CD177: variants seen among roughly 807,000 people sequenced by gnomAD.
CD177 encodes CD177 antigen.
Under a neutral mutation model 38.1 loss-of-function variants are expected in CD177, and 41 were observed. That is an observed-to-expected ratio of 1.07 (90% confidence interval 0.84 to 1.39). The LOEUF is 1.39. Ranked by LOEUF, CD177 falls within the 40% of genes most tolerant of loss-of-function variation. The pLI, the probability that CD177 is intolerant of heterozygous loss-of-function variation, is 0.00. For missense variants in CD177, 619 were observed against 523.8 expected, an observed-to-expected ratio of 1.18 and a Z score of -1.77; for synonymous variants, 236 against 216.7, an observed-to-expected ratio of 1.09 and a Z score of -0.78.
At chr19:43,361,776 C>A (rs60356825) in intron 8 of CD177, among the ~76,000 whole-genome samples, 197 bp downstream of exon 8, 29,040 of 143,334 alleles carry the variant, frequency 0.2, 3,717 homozygotes, top group East Asian at 0.52. Flanking sequence ...GGCCTGGGCT[C>A]CTGGTCCCAG....
chr19:43,353,867 C>G lies in CD177; in HGVS notation c.67C>G (p.Leu23Val). 6.2e-7 allele frequency: 1 copy of G among 1,613,868 alleles called. No individual in the cohort carries two copies. Among genetic ancestry groups the G allele is most frequent in the Non-Finnish European group, 8.5e-7 (1 of 1,179,844 alleles). Reference sequence around the variant, plus strand: ...TGCCACTCCAGGAGTGCAGGCGCTGCTCTGCCAGTTTGGGACAGTTCAGCA... The same window carrying G: ...TGCCACTCCAGGAGTGCAGGCGCTGGTCTGCCAGTTTGGGACAGTTCAGCA... ...ILPLPGVQALLCQFGTVQHVW... is the reference protein window; with the variant it reads ...ILPLPGVQALVCQFGTVQHVW... The change falls in exon 2 of 9, where the codon CTC becomes GTC. Residue 23 changes from leucine to valine, a missense_variant. Physicochemically the swap from Leu to Val is conservative, Grantham distance 32. Transcript: ENST00000618265.
intron 2 of CD177, 35 bp downstream of exon 2, chr19:43,354,028 G>A (rs1025318990): frequency 6.2e-7 from 1 of 1,600,566 alleles, no homozygotes; most frequent in Non-Finnish European, 8.5e-7. Context: ...ACCCCGCCCT[G>A]TCCCCTCAGT....
chr19:43,355,893 G>A (rs999665723), intron 4 of CD177, 99 bp from the exon 5 acceptor site: 5 of 1,508,642 alleles, frequency 3.3e-6, no homozygotes, highest in Admixed American at 1.7e-5. Flanking sequence ...GAGACCCAGA[G>A]GAGGGTGGGC....
At chr19:43,354,135 T>C in intron 2 of CD177, 72 bp from the exon 3 acceptor site, 3 of 1,568,662 alleles carry the variant, frequency 1.9e-6, no homozygotes, top group Non-Finnish European at 2.6e-6. Flanking sequence ...GCCTACGCCG[T>C]GTAGCAGCGT....
At chr19:43,361,392 C>G (rs371812801) in intron 7 of CD177, 53 bp from the exon 8 acceptor site, 136,637 of 1,414,180 alleles carry the variant, frequency 0.097, 15,439 homozygotes, top group African/African-American at 0.27. Flanking sequence ...CCCAAGGTGG[C>G]CAGCTGCTCT....
At chr19:43,365,305 G>C (rs1300430984), downstream of CD177, among the ~76,000 whole-genome samples, 3 of 130,378 alleles carry the variant, frequency 2.3e-5, 1 homozygote, top group East Asian at 8.3e-4. Context: ...GGGAGACTCA[G>C]TCCACTTGTG....
At position 43,362,337 on chromosome 19, in the gene CD177, A is replaced by G. The variant is rs1969984611; in HGVS notation, c.*17A>G. 8.1e-7 allele frequency: 1 copy of G among 1,229,334 alleles called. No individual in the cohort carries two copies. Among genetic ancestry groups the G allele is most frequent in the African/African-American group, 1.5e-5 (1 of 67,586 alleles). 76.2% of individuals were successfully genotyped at this position (1,229,334 alleles called of 1,614,324 possible). Reference sequence around the variant, plus strand: ...TCCTGCTAACTCTATTACCCCCACGATTCTTCACCGCTGCTGACCACCCAC... The same window carrying G: ...TCCTGCTAACTCTATTACCCCCACGGTTCTTCACCGCTGCTGACCACCCAC... On this transcript the variant is annotated 3_prime_UTR_variant, in exon 9 of 9. Coordinates refer to ENST00000618265, the MANE Select transcript of CD177 (RefSeq NM_020406.4).
chr19:43,355,747 A>G lies in CD177; in HGVS notation c.466A>G (p.Thr156Ala), dbSNP rs748299860. 4 of 1,613,166 alleles carry G rather than the reference A, an allele frequency of 2.5e-6. No homozygotes were observed. Among genetic ancestry groups the G allele is most frequent in the Non-Finnish European group, 3.4e-6 (4 of 1,179,462 alleles). Residue 156 changes from threonine (T) to alanine (A), a missense_variant, in exon 4 of 9, where the codon ACA becomes GCA. Transcript: ENST00000618265. ...TTEEICPKGTTHCYDGLLRLR... is the reference protein window; with the variant it reads ...TTEEICPKGTAHCYDGLLRLR... Reference sequence around the variant, plus strand: ...AGAAGAGATCTGCCCCAAGGGGACCACACACTGTTATGATGGCCTCCTCAG... The same window carrying G: ...AGAAGAGATCTGCCCCAAGGGGACCGCACACTGTTATGATGGCCTCCTCAG...
chr19:43,354,422 AG>A, intron 3 of CD177, 30 bp downstream of exon 3: 2 of 1,610,106 alleles, frequency 1.2e-6, no homozygotes, highest in Non-Finnish European at 1.7e-6. Context: ...GAGGAGAGGG[AG>A]GGGCTGCTAG....
At position 43,360,787 on chromosome 19, in the gene CD177, A is replaced by G. The variant is rs373560341; in HGVS notation, c.761-356A>G. ...TTATATGCCTTGAGAAACAGGAAAC[A>G]AACAAACAAAAAGCAGCAAAGTATG... On this transcript the variant is annotated intron_variant, in intron 6 of 8. Transcript: ENST00000618265. 3,876 of 454,544 alleles carry G rather than the reference A, an allele frequency of 8.5e-3. 27 individuals carry two copies. The highest frequency in any genetic ancestry group is 0.013 in the Middle Eastern group (23 of 1,726). The allele number at this position is 454,544 out of a possible 1,614,324, so 28.2% of individuals were successfully genotyped here. A position where few individuals can be genotyped will look rare whatever the true frequency, so the allele number is the denominator to read the frequency against.
downstream of CD177, among the ~76,000 whole-genome samples, chr19:43,363,853 C>T (rs369094806): frequency 1.1e-4 from 17 of 152,058 alleles, no homozygotes; most frequent in Non-Finnish European, 1.8e-4. Context: ...TTTGGGAAGC[C>T]GAGGTGGGAG....
downstream of CD177, among the ~76,000 whole-genome samples, chr19:43,363,373 C>CAG (rs10572342): frequency 4.1e-4 from 61 of 149,072 alleles, no homozygotes; most frequent in Admixed American, 1.5e-3. Flanking sequence ...AATCTGCAGA[C>CAG]AGAGAGAGAG....
chr19:43,361,115 C>T (rs1187783727), intron 6 of CD177, 28 bp from the exon 7 acceptor site: 1 of 1,276,904 alleles, frequency 7.8e-7, no homozygotes, highest in Non-Finnish European at 1.1e-6. Flanking sequence ...TGCCCAGTCC[C>T]CAGCCCAGCT....
At chr19:43,354,487 T>A (rs957879304) in intron 3 of CD177, 95 bp downstream of exon 3, 2 of 1,327,742 alleles carry the variant, frequency 1.5e-6, no homozygotes, top group South Asian at 1.2e-5. Flanking sequence ...CCACCCTCGC[T>A]CGCTATCCCG....
chr19:43,363,503 C>T (rs1304885759), downstream of CD177, among the ~76,000 whole-genome samples: 4 of 152,134 alleles, frequency 2.6e-5, no homozygotes, highest in Admixed American at 2.6e-4. Context: ...GGCTGAAAAA[C>T]GCGTCCAGCC....
At chr19:43,364,090 AAAAT>A (rs1322247228), downstream of CD177, among the ~76,000 whole-genome samples, 3 of 152,188 alleles carry the variant, frequency 2.0e-5, no homozygotes, top group Non-Finnish European at 2.9e-5. Flanking sequence ...TCAAGGGGGA[AAAAT>A]AAATCAGAGT....
chr19:43,360,886 A>G (rs1969952804), intron 6 of CD177: 2 of 572,570 alleles, frequency 3.5e-6, no homozygotes, highest in South Asian at 4.6e-5. Flanking sequence ...GGAAGGCTGC[A>G]ATTTTAAGCT....
In CD177 at chr19:43,355,678, T is replaced by C. The variant is rs1296095404; in HGVS notation, c.397T>C (p.Cys133Arg). The change falls in exon 4 of 9, where the codon TGC (cysteine) becomes CGC (arginine). Residue 133 changes from cysteine to arginine, a missense_variant. By Grantham distance (180) the Cys-to-Arg change is radical. Transcript: ENST00000618265. ...TTTCCTAGACCCAGGATCCTTGAGG[T>C]GCCCAGTCTGCTTGTCTATGGAAGG... ...QPPADPGSLR[C>R]PVCLSMEGCL... 1.2e-6 allele frequency: 2 copies of C among 1,612,684 alleles called. No homozygotes were observed. Among genetic ancestry groups the C allele is most frequent in the East Asian group, 4.5e-5 (2 of 44,840 alleles).
chr19:43,353,859 A>AGGC lies in CD177; in HGVS notation c.61_63dup (p.Ala21dup). 6.2e-7 allele frequency: 1 copy of AGGC among 1,613,880 alleles called. No individual in the cohort carries two copies. Among genetic ancestry groups the AGGC allele is most frequent in the Non-Finnish European group, 8.5e-7 (1 of 1,179,842 alleles). ...TTTGCTCTTGCCACTCCAGGAGTGC[A>AGGC]GGCGCTGCTCTGCCAGTTTGGGACA... On this transcript the variant is annotated inframe_insertion, in exon 2 of 9. Coordinates refer to ENST00000618265, the MANE Select transcript of CD177 (RefSeq NM_020406.4).
Sources: allele counts gnomAD v4.1 joint callset (sites outside exome capture counted in the v4.1 genomes callset), GRCh38; gene constraint gnomAD v4.1.1; transcripts MANE v1.5; gene names NCBI Gene and HGNC (gene_info 2026-07-23, HGNC 2026-07-21).